Variants in FAM135A observed in about 807,000 individuals in gnomAD.
FAM135A encodes the protein protein FAM135A.
FAM135A carries 79 observed loss-of-function variants against 146.8 expected under a neutral mutation model. The observed-to-expected ratio is 0.54, with a 90% CI of 0.45 to 0.65. The LOEUF is 0.65. Ranked by LOEUF, FAM135A falls within the 30% of genes least tolerant of loss-of-function variation. The pLI, the probability that FAM135A is intolerant of heterozygous loss-of-function variation, is 0.00. For synonymous variants in FAM135A, 562 were observed against 603.6 expected (o/e 0.93, Z 1.01); for missense variants, 1,623 against 1,758.2 (o/e 0.92, Z 1.38).
intron 2 of FAM135A, among the ~76,000 whole-genome samples, chr6:70,425,559 T>C (rs1043398627): frequency 1.3e-5 from 2 of 152,336 alleles, no homozygotes; most frequent in East Asian, 3.9e-4. Context: ...AGAGTGAACG[T>C]GGTCTTTATT....
At chr6:70,416,608 T>C (rs1393153090) in intron 2 of FAM135A, among the ~76,000 whole-genome samples, 1 of 152,118 alleles carries the variant, frequency 6.6e-6, no homozygotes, top group Non-Finnish European at 1.5e-5. Context: ...CATGAGTTGT[T>C]TGTCAGGAAG....
rs759853747 is a variant in FAM135A, at chr6:70,525,206, A to G, written c.2122A>G (p.Ile708Val). The G allele has an allele frequency of 1.8e-5, 29 of 1,597,892 alleles. No individual in the cohort carries two copies. In the East Asian group the frequency reaches 5.8e-4, roughly 32 times the overall value. Residue 708 changes from isoleucine (I) to valine (V), a missense_variant, in exon 15 of 22, where the codon ATA becomes GTA. Physicochemically the swap from Ile to Val is conservative, Grantham distance 29. This residue lies in a region of FAM135A where 1,061 missense variants were observed against 1,113.8 expected (regional missense o/e 0.95). Transcript: ENST00000418814. ...SLESNGKSKSIEITFEKEALQ... is the reference protein window; with the variant it reads ...SLESNGKSKSVEITFEKEALQ... ...AGAATCTAATGGTAAATCTAAATCT[A>G]TAGAAATAACATTTGAAAAGGAAGC...
chr6:70,495,970 T>C (rs1404092513), intron 11 of FAM135A, among the ~76,000 whole-genome samples: 1 of 152,190 alleles, frequency 6.6e-6, no homozygotes, highest in Non-Finnish European at 1.5e-5. Flanking sequence ...CATGAACTTG[T>C]CCTTTTTTAT....
At chr6:70,558,309 C>G (rs142618518) in intron 21 of FAM135A, among the ~76,000 whole-genome samples, 39 of 152,268 alleles carry the variant, frequency 2.6e-4, no homozygotes, top group African/African-American at 7.7e-4. Context: ...CAGCATCCTA[C>G]CTGTCTTCTG....
rs554149574 is a variant in FAM135A, at chr6:70,475,412, A to G, written c.160A>G (p.Met54Val). Residue 54 changes from methionine (M) to valine (V), a missense_variant and splice_region_variant, in exon 6 of 22, where the codon ATG becomes GTG. Physicochemically the swap from Met to Val is conservative, Grantham distance 21. Transcript: ENST00000418814. ...ATTACATATCTTATCTGTTTTAGGT[A>G]TGACTTTAGCCTTTCCAGCCTCAGT... ...VEASLLHATG[M>V]TLAFPASVHD... is the part of the protein sequence containing the mutation. The G allele has an allele frequency of 6.4e-6, 10 of 1,574,690 alleles. No homozygotes were observed. The highest frequency in any genetic ancestry group is 1.9e-5 in the Admixed American group (1 of 52,492).
intron 12 of FAM135A, chr6:70,504,288 C>G (rs1239438356): frequency 6.6e-6 from 1 of 152,198 alleles, no homozygotes; most frequent in Admixed American, 6.5e-5. Context: ...AGTGCCTATT[C>G]TAATGTTTTG....
chr6:70,422,902 A>C (rs988858130), intron 2 of FAM135A, among the ~76,000 whole-genome samples: 1 of 152,226 alleles, frequency 6.6e-6, no homozygotes, highest in Non-Finnish European at 1.5e-5. Flanking sequence ...GAGAAACATT[A>C]AAGACTAATA....
At chr6:70,424,751 C>T (rs1769659003) in intron 2 of FAM135A, among the ~76,000 whole-genome samples, 1 of 152,160 alleles carries the variant, frequency 6.6e-6, no homozygotes, top group Non-Finnish European at 1.5e-5. Context: ...ACCACCAACA[C>T]CCGGTATTGT....
intron 18 of FAM135A, among the ~76,000 whole-genome samples, chr6:70,534,501 G>A (rs549017842): frequency 7.9e-5 from 12 of 151,376 alleles, no homozygotes; most frequent in Middle Eastern, 3.4e-3. Context: ...TGTAGAGATG[G>A]GGGTTTCACC....
rs527431333 is a variant in FAM135A at position 70,529,450 on chromosome 6, AAAAAC to A, written c.3775+999_3775+1003del. Reference sequence around the variant, plus strand: ...GGAGATTTTTCTTTAAAAAAAAAAAAAAAACCAGACTCTCAAGAAATAAAATATTC... The same window carrying A: ...GGAGATTTTTCTTTAAAAAAAAAAAACAGACTCTCAAGAAATAAAATATTC... On this transcript the variant is annotated intron_variant, in intron 16 of 21. Coordinates refer to ENST00000418814, the MANE Select transcript of FAM135A (RefSeq NM_001162529.3). Among the ~76,000 whole-genome samples the A allele has an allele frequency of 5.5e-3, 841 of 151,546 alleles. 3 individuals are homozygous for A. Among genetic ancestry groups the A allele is most frequent in the Non-Finnish European group, 8.2e-3 (558 of 67,858 alleles).
In FAM135A at chr6:70,514,562, C is replaced by T. The variant is rs566168549; in HGVS notation, c.1030-7951C>T. On this transcript the variant is annotated intron_variant, in intron 12 of 21. Coordinates refer to ENST00000418814, the MANE Select transcript of FAM135A (RefSeq NM_001162529.3). Reference sequence around the variant, plus strand: ...AATCAACAACTCTTCTTAGATTTATCGGAGAATTAAGGTCACAGGCAAACT... The same window carrying T: ...AATCAACAACTCTTCTTAGATTTATTGGAGAATTAAGGTCACAGGCAAACT... Among the ~76,000 whole-genome samples the T allele has an allele frequency of 1.4e-4, 21 of 152,230 alleles. No homozygotes were observed. The South Asian group carries it at 3.1e-3, about 23-fold the overall frequency.
chr6:70,438,782 G>T (rs1250361212), intron 4 of FAM135A, among the ~76,000 whole-genome samples: 1 of 152,134 alleles, frequency 6.6e-6, no homozygotes, highest in Non-Finnish European at 1.5e-5. Flanking sequence ...ACGTTGTGAA[G>T]AAGGAAAAAA....
intron 2 of FAM135A, among the ~76,000 whole-genome samples, chr6:70,422,798 T>C (rs1253775361): frequency 6.6e-6 from 1 of 152,240 alleles, no homozygotes; most frequent in African/African-American, 2.4e-5. Context: ...TCCTTAAATA[T>C]TAAGTTGAGT....
chr6:70,536,470 A>G, intron 19 of FAM135A, 59 bp downstream of exon 19: 1 of 1,331,686 alleles, frequency 7.5e-7, no homozygotes, highest in Non-Finnish European at 9.9e-7. Context: ...ATATGAACTT[A>G]GTATTTTCTG....
intron 12 of FAM135A, among the ~76,000 whole-genome samples, chr6:70,509,895 G>C (rs954231135): frequency 2.0e-5 from 3 of 152,094 alleles, no homozygotes; most frequent in Non-Finnish European, 4.4e-5. Flanking sequence ...AAACAAAATA[G>C]TAGTACAAAC....
chr6:70,437,967 ATACT>A (rs1773588966), intron 4 of FAM135A, among the ~76,000 whole-genome samples: 1 of 152,142 alleles, frequency 6.6e-6, no homozygotes, highest in African/African-American at 2.4e-5. Context: ...CTTTCTATAG[ATACT>A]TATACCATAT....
At chr6:70,459,722 A>G (rs1779044869) in intron 5 of FAM135A, among the ~76,000 whole-genome samples, 1 of 152,154 alleles carries the variant, frequency 6.6e-6, no homozygotes, top group Non-Finnish European at 1.5e-5. Flanking sequence ...AATAATATAC[A>G]GCATATGGTT....
intron 5 of FAM135A, among the ~76,000 whole-genome samples, chr6:70,460,559 C>T (rs1163674263): frequency 6.6e-6 from 1 of 152,162 alleles, no homozygotes; most frequent in African/African-American, 2.4e-5. Context: ...TTTCTAGAAT[C>T]GAAATGACTA....
intron 12 of FAM135A, among the ~76,000 whole-genome samples, chr6:70,514,683 T>C (rs1791795484): frequency 6.7e-6 from 1 of 149,646 alleles, no homozygotes. Flanking sequence ...CTGTAGCCAG[T>C]CCTGCAATAG....
Sources: allele counts gnomAD v4.1 joint callset (sites outside exome capture counted in the v4.1 genomes callset), GRCh38; gene constraint gnomAD v4.1.1; regional missense constraint gnomAD v4.1.1; transcripts MANE v1.5; gene names NCBI Gene and HGNC (gene_info 2026-07-23, HGNC 2026-07-21).